Variants in AKAP10 observed in about 807,000 individuals in gnomAD.
The protein encoded by AKAP10 is A-kinase anchoring protein 10, also known as A-kinase anchor protein 10, mitochondrial.
AKAP10 carries 24 observed loss-of-function variants against 80.8 expected under a neutral mutation model. The observed-to-expected ratio is 0.30, with a 90% CI of 0.22 to 0.42. AKAP10 has a LOEUF of 0.42. Among genes scored for constraint, AKAP10 ranks in the 10% least tolerant of loss-of-function variants. AKAP10 has a pLI of 1.00. For missense variants in AKAP10, 661 were observed against 794.9 expected (o/e 0.83, Z 2.03); for synonymous variants, 291 against 277.7 (o/e 1.05, Z -0.48).
intron 4 of AKAP10, among the ~76,000 whole-genome samples, chr17:19,949,529 T>C (rs568009467): frequency 1.8e-3 from 271 of 152,180 alleles, no homozygotes; most frequent in Non-Finnish European, 2.9e-3. Flanking sequence ...CCCAGCACTT[T>C]GGGAGGCTGA....
In AKAP10 at chr17:19,977,688, C is replaced by G. The variant is rs1282682445; in HGVS notation, c.-9G>C. 8.1e-7 allele frequency: 1 copy of G among 1,234,660 alleles called. No homozygotes were observed. The allele number at this position is 1,234,660 out of a possible 1,614,324, so 76.5% of individuals were successfully genotyped here. A position where few individuals can be genotyped will look rare whatever the true frequency, so the allele number is the denominator to read the frequency against. ...GGCCCGGCTCCCCTCATTCAGCAAC[C>G]GGCCCGGACTTCCGGGTCCAGAGGG... On this transcript the variant is annotated 5_prime_UTR_variant, in exon 1 of 15. Coordinates refer to ENST00000225737, the MANE Select transcript of AKAP10 (RefSeq NM_007202.4).
intron 12 of AKAP10, among the ~76,000 whole-genome samples, chr17:19,914,600 G>A (rs113010131): frequency 1.5e-5 from 2 of 130,366 alleles, no homozygotes; most frequent in African/African-American, 6.0e-5. Context: ...CGTGATTCCA[G>A]CCTGGGCAAC....
intron 4 of AKAP10, among the ~76,000 whole-genome samples, chr17:19,949,341 T>C (rs1346474687): frequency 6.6e-6 from 1 of 151,906 alleles, no homozygotes; most frequent in Non-Finnish European, 1.5e-5. Context: ...AATAGAAATT[T>C]TCGAAGCTGA....
chr17:19,911,734 C>CT (rs1597487252), intron 12 of AKAP10, among the ~76,000 whole-genome samples: 1 of 142,448 alleles, frequency 7.0e-6, no homozygotes, highest in East Asian at 2.3e-4. Flanking sequence ...ACTCGGGAGG[C>CT]TGAGGCAGGA....
intron 4 of AKAP10, 95 bp from the exon 5 acceptor site, chr17:19,947,600 G>T: frequency 1.2e-6 from 1 of 851,108 alleles, no homozygotes; most frequent in Non-Finnish European, 1.9e-6. Context: ...ATCACTGTGA[G>T]TTCCTATTGC....
chr17:19,971,228 G>A (rs189631762), intron 1 of AKAP10, among the ~76,000 whole-genome samples: 1 of 151,670 alleles, frequency 6.6e-6, no homozygotes, highest in Non-Finnish European at 1.5e-5. Context: ...CACGCAAATG[G>A]CTGAGCACGG....
At chr17:19,938,599 C>A (rs978791023) in intron 8 of AKAP10, among the ~76,000 whole-genome samples, 13 of 152,186 alleles carry the variant, frequency 8.5e-5, no homozygotes, top group African/African-American at 3.1e-4. Context: ...CAAGAGCCCA[C>A]AGACTAATGT....
At chr17:19,927,904 C>T (rs1035503855) in intron 10 of AKAP10, among the ~76,000 whole-genome samples, 1 of 149,388 alleles carries the variant, frequency 6.7e-6, no homozygotes, top group African/African-American at 2.5e-5. Context: ...GAGCAAGACT[C>T]CTTCTCAAAA....
Position 19,906,003 on chromosome 17 carries a change from G to A in AKAP10, c.*224C>T, listed in dbSNP as rs952109687. The A allele has an allele frequency of 1.9e-6, 1 of 538,648 alleles. No homozygotes were observed. The highest frequency in any genetic ancestry group is 1.9e-5 in the African/African-American group (1 of 53,114). 33.4% of individuals were successfully genotyped at this position (538,648 alleles called of 1,614,324 possible). On this transcript the variant is annotated 3_prime_UTR_variant, in exon 15 of 15. Coordinates refer to ENST00000225737, the MANE Select transcript of AKAP10 (RefSeq NM_007202.4). Reference sequence around the variant, plus strand: ...CTAGTAATGTAAACAATACCATTTTGTATCTTTAAGACTCTCACTGTGTGA... The same window carrying A: ...CTAGTAATGTAAACAATACCATTTTATATCTTTAAGACTCTCACTGTGTGA...
At chr17:19,947,718 A>G (rs769869916) in intron 4 of AKAP10, among the ~76,000 whole-genome samples, 5 of 152,212 alleles carry the variant, frequency 3.3e-5, no homozygotes, top group Non-Finnish European at 7.4e-5. Context: ...TGAAAAAACT[A>G]TGCATGAATT....
chr17:19,906,967 T>TTA (rs2042637413), intron 14 of AKAP10, among the ~76,000 whole-genome samples: 1 of 152,170 alleles, frequency 6.6e-6, no homozygotes, highest in Non-Finnish European at 1.5e-5. Flanking sequence ...AAGGTCACAC[T>TTA]TACTGCCTAA....
intron 5 of AKAP10, among the ~76,000 whole-genome samples, chr17:19,943,350 C>T (rs982613568): frequency 2.0e-5 from 3 of 152,132 alleles, no homozygotes; most frequent in Admixed American, 6.5e-5. Flanking sequence ...GACTTTCAGC[C>T]CTACCCACCA....
rs892304185 is a variant in AKAP10 at position 19,932,526 on chromosome 17, G to A, written c.1468-548C>T. Among the ~76,000 whole-genome samples, 9 of 150,456 alleles carry A rather than the reference G, an allele frequency of 6.0e-5. No individual in the cohort carries two copies. In the East Asian group the frequency reaches 1.4e-3, roughly 23 times the overall value. On this transcript the variant is annotated intron_variant, in intron 9 of 14. Coordinates refer to ENST00000225737, the MANE Select transcript of AKAP10 (RefSeq NM_007202.4). ...CTCCCCCAAAATATTTGTCACGAAA[G>A]TATTACATAAAGTTGATATTAATAC...
intron 12 of AKAP10, among the ~76,000 whole-genome samples, chr17:19,917,220 G>A (rs754351704): frequency 2.9e-4 from 44 of 151,866 alleles, no homozygotes; most frequent in African/African-American, 5.3e-4. Context: ...AGCCAAGATC[G>A]CGCCACAGCA....
chr17:19,942,066 G>T (rs997843250), intron 5 of AKAP10, among the ~76,000 whole-genome samples, 156 bp from the exon 6 acceptor site: 1 of 152,178 alleles, frequency 6.6e-6, no homozygotes, highest in African/African-American at 2.4e-5. Flanking sequence ...TCTTAAAATA[G>T]AAAGTCTTTT....
At chr17:19,974,398 C>T (rs1321505061) in intron 1 of AKAP10, among the ~76,000 whole-genome samples, 2 of 152,064 alleles carry the variant, frequency 1.3e-5, no homozygotes, top group African/African-American at 4.8e-5. Flanking sequence ...ATAAGTTTTG[C>T]GATTTTTTTT....
intron 14 of AKAP10, 76 bp downstream of exon 14, chr17:19,909,105 A>G: frequency 7.8e-7 from 1 of 1,279,482 alleles, no homozygotes; most frequent in Non-Finnish European, 1.1e-6. Context: ...AGGCAAAGAA[A>G]CCCCTTATGT....
chr17:19,926,259 A>C (rs2042874151), intron 10 of AKAP10, among the ~76,000 whole-genome samples: 1 of 151,920 alleles, frequency 6.6e-6, no homozygotes, highest in Non-Finnish European at 1.5e-5. Context: ...GACAATATTC[A>C]ACACCCTTTC....
Position 19,931,981 on chromosome 17 carries a change from G to A in AKAP10, c.1468-3C>T. 1 of 1,606,140 alleles carries A rather than the reference G, an allele frequency of 6.2e-7. No individual in the cohort carries two copies. The highest frequency in any genetic ancestry group is 8.5e-7 in the Non-Finnish European group (1 of 1,176,954). ...GACAAAAAGCCAGGCAAAAAGACCTGATAGAGATGAAAAGCATTATTTTAA... is the reference window on the plus strand; with the variant it reads ...GACAAAAAGCCAGGCAAAAAGACCTAATAGAGATGAAAAGCATTATTTTAA... On this transcript the variant is annotated splice_polypyrimidine_tract_variant and splice_region_variant and intron_variant, in intron 9 of 14. Coordinates refer to ENST00000225737, the MANE Select transcript of AKAP10 (RefSeq NM_007202.4).
Sources: allele counts gnomAD v4.1 joint callset (sites outside exome capture counted in the v4.1 genomes callset), GRCh38; gene constraint gnomAD v4.1.1; transcripts MANE v1.5; gene names NCBI Gene and HGNC (gene_info 2026-07-23, HGNC 2026-07-21).